Variants in NPHP1 observed in about 807,000 individuals in gnomAD.
The protein encoded by NPHP1 is nephrocystin-1.
Under a neutral mutation model 90.4 loss-of-function variants are expected in NPHP1, and 70 were observed. The observed-to-expected ratio is 0.77, with a 90% CI of 0.64 to 0.95. The LOEUF (loss-of-function observed/expected upper bound fraction) is 0.95. Among genes scored for constraint, NPHP1 ranks in the 40% least tolerant of loss-of-function variants. The pLI is 0.00. For missense variants in NPHP1, 764 were observed against 795.9 expected (o/e 0.96, Z 0.48); for synonymous variants, 256 against 271.7 (o/e 0.94, Z 0.57).
intron 15 of NPHP1, 53 bp from the exon 16 acceptor site, chr2:110,143,694 G>T: frequency 1.7e-6 from 2 of 1,206,620 alleles, no homozygotes; most frequent in South Asian, 2.4e-5. Flanking sequence ...TTGAGACAGT[G>T]AGTATAATAA....
intron 16 of NPHP1, among the ~76,000 whole-genome samples, chr2:110,137,145 C>T (rs1432904848): frequency 6.6e-6 from 1 of 152,002 alleles, no homozygotes; most frequent in African/African-American, 2.4e-5. Flanking sequence ...AACTGGATCC[C>T]TTCCTTACAC....
intron 16 of NPHP1, among the ~76,000 whole-genome samples, chr2:110,136,820 C>T (rs1680235598): frequency 6.6e-6 from 1 of 152,150 alleles, no homozygotes; most frequent in Non-Finnish European, 1.5e-5. Context: ...TTAGAAAAAA[C>T]TACTTTAAAG....
In NPHP1 at chr2:110,125,487, T is replaced by C. The variant is rs1679284396; in HGVS notation, c.1761+150A>G. ...ACGATCATGCGTAACCCTCTTGGAA[T>C]GTGTTTTTGCAGCCATAATGAAACA... On this transcript the variant is annotated intron_variant, in intron 19 of 19. Coordinates refer to ENST00000445609, the MANE Select transcript of NPHP1 (RefSeq NM_001128178.3). 13 of 1,128,296 alleles carry C rather than the reference T, an allele frequency of 1.2e-5. No homozygotes were observed. The East Asian group carries it at 1.9e-4, about 16-fold the overall frequency. The allele number at this position is 1,128,296 out of a possible 1,614,324, so 69.9% of individuals were successfully genotyped here. A position where few individuals can be genotyped will look rare whatever the true frequency, so the allele number is the denominator to read the frequency against.
intron 5 of NPHP1, 90 bp downstream of exon 5, chr2:110,169,716 T>C: frequency 1.2e-6 from 1 of 842,810 alleles, no homozygotes; most frequent in Admixed American, 1.8e-5. Flanking sequence ...ATTTTAAGAA[T>C]CTGTAATACA....
rs545007852 is a variant in NPHP1 at position 110,181,957 on chromosome 2, G to T, written c.144-2273C>A. Among the ~76,000 whole-genome samples, 2 of 152,282 alleles carry T rather than the reference G, an allele frequency of 1.3e-5. 1 individual carries two copies. The highest frequency in any genetic ancestry group is 4.8e-5 in the African/African-American group (2 of 41,566). On this transcript the variant is annotated intron_variant, in intron 2 of 19. Coordinates refer to ENST00000445609, the MANE Select transcript of NPHP1 (RefSeq NM_001128178.3). ...AGAGAGGAACATAACTGACCTGATAGAGGTGAAAAACACAAGAACTTTATA... is the reference window on the plus strand; with the variant it reads ...AGAGAGGAACATAACTGACCTGATATAGGTGAAAAACACAAGAACTTTATA...
chr2:110,192,870 G>T (rs939931060), intron 2 of NPHP1, among the ~76,000 whole-genome samples: 2 of 152,082 alleles, frequency 1.3e-5, no homozygotes, highest in African/African-American at 2.4e-5. Context: ...TTAAAGAAAA[G>T]AATTTTCAAC....
intron 16 of NPHP1, among the ~76,000 whole-genome samples, chr2:110,133,459 A>T (rs1679936088): frequency 6.6e-6 from 1 of 152,152 alleles, no homozygotes; most frequent in Non-Finnish European, 1.5e-5. Flanking sequence ...AATAGAGAAG[A>T]TTTCAATATC....
In NPHP1 at chr2:110,194,375, A is replaced by C. The variant is rs556897008; in HGVS notation, c.143+7046T>G. On this transcript the variant is annotated intron_variant, in intron 2 of 19. Coordinates refer to ENST00000445609, the MANE Select transcript of NPHP1 (RefSeq NM_001128178.3). ...CAACTACCATCAGAGAATACTATAAACACCTCTATGCAAATAAACTAGAAA... is the reference window on the plus strand; with the variant it reads ...CAACTACCATCAGAGAATACTATAACCACCTCTATGCAAATAAACTAGAAA... 1.8e-3 allele frequency among the ~76,000 whole-genome samples: 280 copies of C among 152,306 alleles called. 1 individual carries two copies. Among genetic ancestry groups the C allele is most frequent in the African/African-American group, 6.6e-3 (273 of 41,562 alleles).
intron 16 of NPHP1, among the ~76,000 whole-genome samples, chr2:110,137,573 A>T (rs1157075340): frequency 6.6e-6 from 1 of 152,196 alleles, no homozygotes; most frequent in Non-Finnish European, 1.5e-5. Context: ...CACATGAAAA[A>T]ATGCTCATGA....
intron 12 of NPHP1, 108 bp downstream of exon 12, chr2:110,150,074 G>T (rs1574096624): frequency 1.1e-6 from 1 of 926,948 alleles, no homozygotes; most frequent in Non-Finnish European, 1.8e-6. Context: ...GAACACCAAA[G>T]AATCTAAAGA....
In NPHP1 at chr2:110,179,666, C is replaced by T. The variant is rs1559090274; in HGVS notation, c.162G>A (p.Gln54=). 7.3e-7 allele frequency: 1 copy of T among 1,369,176 alleles called. No homozygotes were observed. The highest frequency in any genetic ancestry group is 1.0e-6 in the Non-Finnish European group (1 of 963,262). The allele number at this position is 1,369,176 out of a possible 1,614,324, so 84.8% of individuals were successfully genotyped here. The change falls in exon 3 of 20, where the codon CAG becomes CAA. Residue 54 remains glutamine (Q), a synonymous_variant. Coordinates refer to ENST00000445609, the MANE Select transcript of NPHP1 (RefSeq NM_001128178.3). ...HIYQRCIQLK[Q]AIDENKNALQ... ...GAGCATTTTTATTTTCATCTATTGC[C>T]TGCTTTAACTGGATACATCTAAATT...
intron 16 of NPHP1, among the ~76,000 whole-genome samples, chr2:110,136,872 C>A (rs1057096534): frequency 9.2e-5 from 14 of 152,144 alleles, no homozygotes; most frequent in African/African-American, 3.4e-4. Flanking sequence ...CCAAGTCAAT[C>A]CTAAGCCAAA....
intron 19 of NPHP1, chr2:110,125,323 G>A (rs1219019970): frequency 1.3e-6 from 2 of 1,523,284 alleles, no homozygotes; most frequent in Non-Finnish European, 1.7e-6. Flanking sequence ...GGCTTTGAGA[G>A]CTAGAGAAGT....
At chr2:110,190,228 G>C (rs375559163) in intron 2 of NPHP1, among the ~76,000 whole-genome samples, 1 of 152,196 alleles carries the variant, frequency 6.6e-6, no homozygotes, top group Non-Finnish European at 1.5e-5. Context: ...CACACCGTGC[G>C]CCCGCACTCC....
intron 2 of NPHP1, 31 bp from the exon 3 acceptor site, chr2:110,179,715 A>G: frequency 1.0e-6 from 1 of 981,434 alleles, no homozygotes; most frequent in Non-Finnish European, 1.6e-6. Context: ...AAATATATTG[A>G]TTTTTCTATT....
At chr2:110,189,392 G>C (rs569638112) in intron 2 of NPHP1, among the ~76,000 whole-genome samples, 1 of 152,214 alleles carries the variant, frequency 6.6e-6, no homozygotes, top group South Asian at 2.1e-4. Context: ...GACCTTCACG[G>C]TGAGTGTTAC....
intron 17 of NPHP1, among the ~76,000 whole-genome samples, chr2:110,131,364 A>G (rs1373313586): frequency 6.6e-6 from 1 of 152,144 alleles, no homozygotes; most frequent in Non-Finnish European, 1.5e-5. Context: ...TGCATACCAA[A>G]CACATGGGAA....
At chr2:110,164,910 C>G in intron 7 of NPHP1, 142 bp downstream of exon 7, 1 of 876,860 alleles carries the variant, frequency 1.1e-6, no homozygotes, top group Non-Finnish European at 1.9e-6. Context: ...CAGTAATGAT[C>G]TTTAAGCAGA....
At chr2:110,139,326 T>A (rs1229942674) in intron 16 of NPHP1, among the ~76,000 whole-genome samples, 2 of 152,092 alleles carry the variant, frequency 1.3e-5, no homozygotes, top group Non-Finnish European at 2.9e-5. Flanking sequence ...CCTCAGGGGT[T>A]TATACACATG....
Sources: allele counts gnomAD v4.1 joint callset (sites outside exome capture counted in the v4.1 genomes callset), GRCh38; gene constraint gnomAD v4.1.1; transcripts MANE v1.5; gene names NCBI Gene and HGNC (gene_info 2026-07-23, HGNC 2026-07-21).